Variants in RNF126 observed in about 807,000 individuals in gnomAD.
RNF126 encodes E3 ubiquitin-protein ligase RNF126.
In RNF126, 20 loss-of-function variants were observed where a neutral mutation model predicts 41.9. The observed-to-expected ratio is 0.48, with a 90% CI of 0.34 to 0.69. The LOEUF (loss-of-function observed/expected upper bound fraction) is 0.69, where lower values mean the gene tolerates loss of function less well. RNF126 is among the 30% of genes least tolerant of loss of function. RNF126 has a pLI of 0.01. For missense variants in RNF126, 433 were observed against 460.6 expected, an observed-to-expected ratio of 0.94 and a Z score of 0.55; for synonymous variants, 239 against 202.9, an observed-to-expected ratio of 1.18 and a Z score of -1.51.
rs8100039 is a variant in RNF126, at chr19:659,469, C to G, written c.75+3578G>C. 0.022 allele frequency among the ~76,000 whole-genome samples: 3,293 copies of G among 152,222 alleles called. 127 individuals carry two copies. Among genetic ancestry groups the G allele is most frequent in the African/African-American group, 0.076 (3,136 of 41,512 alleles). On this transcript the variant is annotated intron_variant, in intron 1 of 8. Coordinates refer to ENST00000292363, the MANE Select transcript of RNF126 (RefSeq NM_194460.3). The surrounding 1 kb of genome is among the most constrained non-coding windows in gnomAD (Gnocchi z 4.9). Reference sequence around the variant, plus strand: ...CGTTCGGGGGTGGGGGGTCGGCAGGCAGAGCTGGAACCACCCTAGGAACCA... The same window carrying G: ...CGTTCGGGGGTGGGGGGTCGGCAGGGAGAGCTGGAACCACCCTAGGAACCA...
chr19:651,619 C>A lies in RNF126; in HGVS notation c.435G>T (p.Thr145=), dbSNP rs368620647. 5 of 1,438,536 alleles carry A rather than the reference C, an allele frequency of 3.5e-6. No homozygotes were observed. Among genetic ancestry groups the A allele is most frequent in the Non-Finnish European group, 4.5e-6 (5 of 1,099,706 alleles). The allele number at this position is 1,438,536 out of a possible 1,614,324, so 89.1% of individuals were successfully genotyped here. The stretch of plus-strand genomic sequence containing the variant: ...CCCCGGGGCCCCCTCACCCTTCCAG[C>A]GTGGGGACGCCTTCGTGCCGGCCGG... ...RATGRHEGVP[T]LEGIIQQLVN... Residue 145 remains threonine (T), a synonymous_variant, in exon 4 of 9, where the codon ACG becomes ACT. Coordinates refer to ENST00000292363, the MANE Select transcript of RNF126 (RefSeq NM_194460.3).
chr19:651,294 C>G (rs972765103), intron 4 of RNF126: 1 of 235,024 alleles, frequency 4.3e-6, no homozygotes, highest in Non-Finnish European at 8.2e-6. Flanking sequence ...CGACGGCTCC[C>G]CCAGGCTCTG....
At chr19:656,264 C>T (rs919311621) in intron 1 of RNF126, among the ~76,000 whole-genome samples, 17 of 152,044 alleles carry the variant, frequency 1.1e-4, no homozygotes, top group South Asian at 2.1e-4. Context: ...GTGCCAGGAT[C>T]GCTTGAACCT....
chr19:658,553 G>A (rs1373662830), intron 1 of RNF126, among the ~76,000 whole-genome samples: 1 of 152,138 alleles, frequency 6.6e-6, no homozygotes, highest in Non-Finnish European at 1.5e-5. Context: ...CACAGTGTGT[G>A]GGCCCCGCAG....
chr19:651,201 C>T (rs971872819), intron 4 of RNF126, among the ~76,000 whole-genome samples: 2 of 151,124 alleles, frequency 1.3e-5, no homozygotes, highest in Non-Finnish European at 3.0e-5. Flanking sequence ...GGCCCTGCGA[C>T]GGCTCCCCCA....
At chr19:650,344 G>C (rs145749823) in intron 4 of RNF126, 48 bp from the exon 5 acceptor site, 1 of 1,537,120 alleles carries the variant, frequency 6.5e-7, no homozygotes, top group Non-Finnish European at 8.8e-7. Flanking sequence ...CCACGCACAG[G>C]AGAGGCGCCA....
At position 648,361 on chromosome 19, in the gene RNF126, G is replaced by GCGCCC; in HGVS notation, c.786+10_786+11insGGGCG. 7.5e-7 allele frequency: 1 copy of GCGCCC among 1,333,440 alleles called. No individual in the cohort carries two copies. Among genetic ancestry groups the GCGCCC allele is most frequent in the Non-Finnish European group, 1.0e-6 (1 of 972,994 alleles). 82.6% of individuals were successfully genotyped at this position (1,333,440 alleles called of 1,614,324 possible). On this transcript the variant is annotated intron_variant, in intron 8 of 8. Coordinates refer to ENST00000292363, the MANE Select transcript of RNF126 (RefSeq NM_194460.3). Reference sequence around the variant, plus strand: ...GGTCGGGGTGGGGGGGCGGGTGGGCGGGGCACTCACCTGCTCCAGCCAGGG... The same window carrying GCGCCC: ...GGTCGGGGTGGGGGGGCGGGTGGGCGCGCCCGGGCACTCACCTGCTCCAGCCAGGG...
intron 1 of RNF126, among the ~76,000 whole-genome samples, chr19:654,123 C>T (rs548127232): frequency 6.8e-4 from 103 of 152,372 alleles, no homozygotes; most frequent in Non-Finnish European, 1.2e-3. Flanking sequence ...TGGGCCCCCG[C>T]CCACACCACG....
intron 1 of RNF126, 72 bp from the exon 2 acceptor site, chr19:652,956 C>CA: frequency 1.4e-6 from 2 of 1,400,778 alleles, no homozygotes; most frequent in Non-Finnish European, 2.0e-6. Context: ...AGTGTGAGGA[C>CA]AGAGGGGCTC....
At chr19:660,404 TGGCAGCCAGTCCCCCCTGCGTCAGA>T (rs2030748519) in intron 1 of RNF126, among the ~76,000 whole-genome samples, 2 of 152,304 alleles carry the variant, frequency 1.3e-5, no homozygotes, top group African/African-American at 4.8e-5. Flanking sequence ...ACACAGCCCA[TGGCAGCCAGTCCCCCCTGCGTCAGA>T]GGCAGGCAGG....
Position 647,858 on chromosome 19 carries a change from A to G in RNF126, c.*270T>C. ...CAAAGCAGTAATAATTTAAAATTAT[A>G]AAAATCTTTCCACCGCTGAACGTTT... On this transcript the variant is annotated 3_prime_UTR_variant, in exon 9 of 9. Coordinates refer to ENST00000292363, the MANE Select transcript of RNF126 (RefSeq NM_194460.3). 1.6e-6 allele frequency: 1 copy of G among 617,050 alleles called. No homozygotes were observed. The allele number at this position is 617,050 out of a possible 1,614,324, so 38.2% of individuals were successfully genotyped here.
At chr19:652,384 G>A (rs759136303) in intron 2 of RNF126, 88 bp from the exon 3 acceptor site, 7 of 1,199,834 alleles carry the variant, frequency 5.8e-6, no homozygotes, top group African/African-American at 1.6e-5. Flanking sequence ...TATGTTGGGA[G>A]AGCAGGAATT....
Position 648,892 on chromosome 19 carries a change from C to T in RNF126, c.660G>A (p.Glu220=), listed in dbSNP as rs749626571. The T allele has an allele frequency of 2.1e-6, 3 of 1,436,926 alleles. No individual in the cohort carries two copies. Among genetic ancestry groups the T allele is most frequent in the Non-Finnish European group, 2.7e-6 (3 of 1,093,748 alleles). The allele number at this position is 1,436,926 out of a possible 1,614,324, so 89.0% of individuals were successfully genotyped here. ...IQALPTVPVT[E]EHVGSGLECP... is the part of the protein sequence containing the mutation. ...GCTGAGCTCTCATACCTACGTGCTC[C>T]TCAGTGACGGGGACGGTGGGGAGGG... Residue 220 remains glutamate (E), a synonymous_variant, in exon 7 of 9, where the codon GAG becomes GAA. Transcript: ENST00000292363.
At chr19:648,542 C>T in intron 7 of RNF126, 55 bp from the exon 8 acceptor site, 5 of 1,379,028 alleles carry the variant, frequency 3.6e-6, no homozygotes, top group South Asian at 2.5e-5. Context: ...GCCGAGCCTT[C>T]AAGGGCAGGC....
At chr19:654,480 T>C (rs1392739819) in intron 1 of RNF126, among the ~76,000 whole-genome samples, 1 of 148,954 alleles carries the variant, frequency 6.7e-6, no homozygotes, top group Non-Finnish European at 1.5e-5. Flanking sequence ...CTGTCTCTAC[T>C]AAAAATACAA....
intron 3 of RNF126, 54 bp downstream of exon 3, chr19:652,179 G>A (rs1001925262): frequency 2.0e-5 from 28 of 1,411,528 alleles, no homozygotes; most frequent in South Asian, 5.7e-5. Flanking sequence ...GCTGGCGCTC[G>A]GGGCCCCGAG....
intron 1 of RNF126, among the ~76,000 whole-genome samples, chr19:658,409 G>T (rs990066758): frequency 2.2e-4 from 33 of 152,102 alleles, no homozygotes; most frequent in African/African-American, 7.0e-4. Flanking sequence ...GGCCCCTGTG[G>T]GTGGCAGGGC....
rs143060769 is a variant in RNF126 at position 648,185 on chromosome 19, C to G, written c.879G>C (p.Ser293=). 201 of 1,607,314 alleles carry G rather than the reference C, an allele frequency of 1.3e-4. 1 individual carries two copies. In the East Asian group the frequency reaches 1.7e-3, roughly 14 times the overall value. The change falls in exon 9 of 9, where the codon TCG becomes TCC. Residue 293 remains serine, a synonymous_variant. Transcript: ENST00000292363. ...PGLTGVSFSS[S]SSSSSSSSPS... ...GCGAGCTGGAGGAGGACGATGACGACGAGGAGGAGAAGCTCACCCCAGTGA... is the reference window on the plus strand; with the variant it reads ...GCGAGCTGGAGGAGGACGATGACGAGGAGGAGGAGAAGCTCACCCCAGTGA...
At chr19:648,795 C>T in intron 7 of RNF126, 87 bp downstream of exon 7, 2 of 826,762 alleles carry the variant, frequency 2.4e-6, no homozygotes, top group Non-Finnish European at 3.7e-6. Context: ...ATGGTGAAAC[C>T]CTGTCTCTAC....
Sources: allele counts gnomAD v4.1 joint callset (sites outside exome capture counted in the v4.1 genomes callset), GRCh38; gene constraint gnomAD v4.1.1; non-coding constraint Gnocchi (gnomAD v3.1); transcripts MANE v1.5; gene names NCBI Gene and HGNC (gene_info 2026-07-23, HGNC 2026-07-21).